PAIP2: variants seen among roughly 807,000 people sequenced by gnomAD.
PAIP2 encodes poly(A) binding protein interacting protein 2.
PAIP2 carries 7 observed loss-of-function variants against 14.8 expected under a neutral mutation model. That is an observed-to-expected ratio of 0.47 (90% CI 0.27 to 0.89). The LOEUF (loss-of-function observed/expected upper bound fraction) is 0.89, where lower values mean the gene tolerates loss of function less well. PAIP2 is among the 40% of genes least tolerant of loss of function. The pLI, the probability that PAIP2 is intolerant of heterozygous loss-of-function variation, is 0.13. For missense variants in PAIP2, 122 were observed against 154.7 expected, an observed-to-expected ratio of 0.79 and a Z score of 1.12; for synonymous variants, 47 against 45.3, an observed-to-expected ratio of 1.04 and a Z score of -0.15.
At chr5:139,346,193 T>C (rs1756540998) in intron 1 of PAIP2, among the ~76,000 whole-genome samples, 1 of 152,190 alleles carries the variant, frequency 6.6e-6, no homozygotes, top group African/African-American at 2.4e-5. Flanking sequence ...TGGTGAAATA[T>C]ATGAATTTGT....
intron 1 of PAIP2, among the ~76,000 whole-genome samples, chr5:139,355,196 TTTCACTC>T: frequency 7.0e-6 from 1 of 142,020 alleles, no homozygotes; most frequent in Non-Finnish European, 1.5e-5. Flanking sequence ...GAGACAGAGT[TTTCACTC>T]TTGTTGCCCA....
intron 1 of PAIP2, among the ~76,000 whole-genome samples, chr5:139,356,892 A>G (rs1322567704): frequency 2.3e-5 from 1 of 43,444 alleles, no homozygotes. Context: ...GTCTCCAGAA[A>G]AAAAAAAAAA....
chr5:139,368,595 T>A, intron 3 of PAIP2, 138 bp from the exon 4 acceptor site: 1 of 616,846 alleles, frequency 1.6e-6, no homozygotes, highest in Middle Eastern at 3.4e-4. Context: ...TTCTTCCTTT[T>A]TGGGGTTTAG....
chr5:139,365,864 T>G (rs1377185828), intron 3 of PAIP2, among the ~76,000 whole-genome samples: 2 of 152,186 alleles, frequency 1.3e-5, no homozygotes, highest in Non-Finnish European at 2.9e-5. Context: ...ATTATCATGT[T>G]ACTTGCCTAT....
At chr5:139,347,208 G>A (rs554744737) in intron 1 of PAIP2, among the ~76,000 whole-genome samples, 8 of 147,380 alleles carry the variant, frequency 5.4e-5, no homozygotes, top group African/African-American at 2.0e-4. Flanking sequence ...AGACATCTCA[G>A]AATTCTGTTA....
intron 1 of PAIP2, among the ~76,000 whole-genome samples, chr5:139,354,996 T>A (rs532075074): frequency 6.6e-6 from 1 of 151,978 alleles, no homozygotes; most frequent in Admixed American, 6.6e-5. Context: ...ATTTTTGTAC[T>A]TTTAGTAGAG....
At chr5:139,362,415 T>G (rs1160412072) in intron 1 of PAIP2, among the ~76,000 whole-genome samples, 4 of 146,094 alleles carry the variant, frequency 2.7e-5, no homozygotes, top group African/African-American at 7.8e-5. Flanking sequence ...GTTTTTTTTT[T>G]TTTTTTTTTT....
rs193182417 is a variant in PAIP2 at position 139,344,240 on chromosome 5, A to G, written c.-27+2260A>G. ...CAAATCCAGATAGTCCAGAGATTCTATGCTCTTAACCATTATGTGGTGCTG... is the reference window on the plus strand; with the variant it reads ...CAAATCCAGATAGTCCAGAGATTCTGTGCTCTTAACCATTATGTGGTGCTG... On this transcript the variant is annotated intron_variant, in intron 1 of 3. Coordinates refer to ENST00000265192, the MANE Select transcript of PAIP2 (RefSeq NM_016480.5). Among the ~76,000 whole-genome samples, 909 of 152,312 alleles carry G rather than the reference A, an allele frequency of 6.0e-3. 12 individuals carry two copies. Among genetic ancestry groups the G allele is most frequent in the African/African-American group, 0.017 (727 of 41,570 alleles).
intron 1 of PAIP2, among the ~76,000 whole-genome samples, chr5:139,347,268 CTT>C (rs34018719): frequency 4.7e-5 from 5 of 105,868 alleles, no homozygotes; most frequent in Admixed American, 1.2e-4. Flanking sequence ...CATGTTACAA[CTT>C]TTTTTTTTTT....
intron 1 of PAIP2, chr5:139,342,365 A>G (rs1156659605): frequency 6.6e-6 from 1 of 151,232 alleles, no homozygotes; most frequent in African/African-American, 2.4e-5. Context: ...AACAAAGCTT[A>G]TTGTTTCTAC....
At chr5:139,347,009 T>G (rs1453416616) in intron 1 of PAIP2, among the ~76,000 whole-genome samples, 1 of 152,068 alleles carries the variant, frequency 6.6e-6, no homozygotes, top group Non-Finnish European at 1.5e-5. Flanking sequence ...GGTTTCACCA[T>G]GTTGGCCAGG....
chr5:139,349,838 C>G (rs948967012), intron 1 of PAIP2, among the ~76,000 whole-genome samples: 2 of 151,868 alleles, frequency 1.3e-5, no homozygotes, highest in Non-Finnish European at 2.9e-5. Context: ...CCCGTTTCTA[C>G]TAAAAATACA....
intron 1 of PAIP2, among the ~76,000 whole-genome samples, chr5:139,348,349 T>G (rs1012640292): frequency 3.1e-4 from 47 of 150,288 alleles, no homozygotes; most frequent in African/African-American, 1.1e-3. Flanking sequence ...CCACCAAGCC[T>G]GGCTAATTTT....
rs546754395 is a variant in PAIP2, at chr5:139,358,740, G to T, written c.-26-5019G>T. Among the ~76,000 whole-genome samples, 3 of 152,286 alleles carry T rather than the reference G, an allele frequency of 2.0e-5. No homozygotes were observed. The East Asian group carries it at 5.8e-4, about 29-fold the overall frequency. ...GTGAACCTTGAAAACATTGTAATAA[G>T]TGAAAGAAGCCAGACATGAGAAGAG... is the stretch of plus-strand genomic sequence containing the variant. On this transcript the variant is annotated intron_variant, in intron 1 of 3. Coordinates refer to ENST00000265192, the MANE Select transcript of PAIP2 (RefSeq NM_016480.5).
At chr5:139,342,888 T>C (rs1162979326) in intron 1 of PAIP2, 1 of 152,194 alleles carries the variant, frequency 6.6e-6, no homozygotes, top group African/African-American at 2.4e-5. Context: ...AACCCCAAAC[T>C]CTAGAAAGAA....
chr5:139,362,640 C>A (rs1388683057), intron 1 of PAIP2, among the ~76,000 whole-genome samples: 5 of 151,734 alleles, frequency 3.3e-5, no homozygotes, highest in Non-Finnish European at 5.9e-5. Flanking sequence ...GAACTCTCGA[C>A]CTCAGGTGAT....
At chr5:139,342,690 T>C (rs1756419998) in intron 1 of PAIP2, 1 of 152,188 alleles carries the variant, frequency 6.6e-6, no homozygotes, top group Non-Finnish European at 1.5e-5. Context: ...TTAATAATTT[T>C]CTGTGCTTAC....
intron 1 of PAIP2, among the ~76,000 whole-genome samples, chr5:139,344,791 C>T (rs1411594913): frequency 6.6e-6 from 1 of 152,120 alleles, no homozygotes; most frequent in Non-Finnish European, 1.5e-5. Flanking sequence ...TTTCTTGTGA[C>T]ATTGTTTCAC....
chr5:139,350,902 C>T lies in PAIP2; in HGVS notation c.-27+8922C>T, dbSNP rs78385046. Among the ~76,000 whole-genome samples the T allele has an allele frequency of 1.3e-3, 204 of 152,154 alleles. No individual in the cohort carries two copies. In the East Asian group the frequency reaches 0.037, roughly 28 times the overall value. On this transcript the variant is annotated intron_variant, in intron 1 of 3. Coordinates refer to ENST00000265192, the MANE Select transcript of PAIP2 (RefSeq NM_016480.5). ...ATGATAAACATGAGGAATAAGCTTT[C>T]ATTAGTGGGGGATGATGTAATTTAT...
Sources: allele counts gnomAD v4.1 joint callset (sites outside exome capture counted in the v4.1 genomes callset), GRCh38; gene constraint gnomAD v4.1.1; transcripts MANE v1.5; gene names NCBI Gene and HGNC (gene_info 2026-07-23, HGNC 2026-07-21).